Variants in LYPLAL1 observed in about 807,000 individuals in gnomAD.
LYPLAL1 encodes the protein lysophospholipase-like protein 1.
LYPLAL1 carries 23 observed loss-of-function variants against 19.7 expected under a neutral mutation model. The observed-to-expected ratio is 1.17, with a 90% confidence interval of 0.84 to 1.65. The LOEUF is 1.65. LYPLAL1 is among the 40% of genes most tolerant of loss of function. LYPLAL1 has a pLI of 0.00. For synonymous variants in LYPLAL1, 119 were observed against 96.3 expected, an observed-to-expected ratio of 1.24 and a Z score of -1.38; for missense variants, 355 against 279.4, an observed-to-expected ratio of 1.27 and a Z score of -1.93.
chr1:219,399,281 A>C, the LYPLAL1 span, among the ~76,000 whole-genome samples: 1 of 152,194 alleles, frequency 6.6e-6, no homozygotes, highest in African/African-American at 2.4e-5. Flanking sequence ...TACTACAGAC[A>C]GGGGTGGTGA....
chr1:219,387,259 A>C, the LYPLAL1 span, among the ~76,000 whole-genome samples: 1 of 152,202 alleles, frequency 6.6e-6, no homozygotes, highest in African/African-American at 2.4e-5. Context: ...ATTGCATTTT[A>C]AAGCTATAAG....
chr1:219,227,599 A>G, the LYPLAL1 span, among the ~76,000 whole-genome samples: 1 of 152,176 alleles, frequency 6.6e-6, no homozygotes, highest in African/African-American at 2.4e-5. Context: ...TTGCTGTACA[A>G]CATGACTTTG....
the LYPLAL1 span, among the ~76,000 whole-genome samples, chr1:219,264,653 G>A: frequency 2.0e-4 from 31 of 152,224 alleles, no homozygotes; most frequent in Middle Eastern, 3.4e-3. Context: ...GGACTAACCC[G>A]GGCTTTTAGA....
the LYPLAL1 span, among the ~76,000 whole-genome samples, chr1:219,294,012 G>A: frequency 6.6e-6 from 1 of 152,176 alleles, no homozygotes. Context: ...CCAAATTGCA[G>A]ATTATCTCCA....
At chr1:219,289,066 A>G in the LYPLAL1 span, among the ~76,000 whole-genome samples, 1 of 132,756 alleles carries the variant, frequency 7.5e-6, no homozygotes, top group African/African-American at 2.7e-5. Flanking sequence ...GGCACAAGTT[A>G]CCTCTTGTTT....
At chr1:219,301,182 T>C in the LYPLAL1 span, among the ~76,000 whole-genome samples, 1 of 137,560 alleles carries the variant, frequency 7.3e-6, no homozygotes, top group Admixed American at 7.5e-5. Context: ...TGAATTACAT[T>C]ACATAAATCT....
chr1:219,381,145 A>G, the LYPLAL1 span, among the ~76,000 whole-genome samples: 1 of 152,142 alleles, frequency 6.6e-6, no homozygotes, highest in East Asian at 1.9e-4. Context: ...TAAATGAATC[A>G]TGGGGTGGGT....
At chr1:219,220,963 G>A in the LYPLAL1 span, among the ~76,000 whole-genome samples, 20 of 152,254 alleles carry the variant, frequency 1.3e-4, no homozygotes, top group African/African-American at 4.1e-4. Context: ...CCTAGGAGAC[G>A]TCACAGGGCA....
chr1:219,252,874 G>A, the LYPLAL1 span, among the ~76,000 whole-genome samples: 1 of 152,020 alleles, frequency 6.6e-6, no homozygotes, highest in Non-Finnish European at 1.5e-5. Context: ...GCTCATCTTT[G>A]TACATCTGGT....
At chr1:219,200,024 A>G (rs562206307) in intron 3 of LYPLAL1, 1 of 232,242 alleles carries the variant, frequency 4.3e-6, no homozygotes, top group Non-Finnish European at 9.1e-6. Flanking sequence ...CAGTGAGCCC[A>G]TTATCCCCAC....
the LYPLAL1 span, among the ~76,000 whole-genome samples, chr1:219,438,502 A>G: frequency 6.6e-6 from 1 of 152,248 alleles, no homozygotes; most frequent in African/African-American, 2.4e-5. Context: ...AACAAGAAGG[A>G]CTAAGAGAAG....
chr1:219,313,301 T>C, the LYPLAL1 span, among the ~76,000 whole-genome samples: 2 of 152,212 alleles, frequency 1.3e-5, no homozygotes, highest in East Asian at 1.9e-4. Context: ...TAGGATTATA[T>C]TGGGTTTGTC....
intron 3 of LYPLAL1, among the ~76,000 whole-genome samples, chr1:219,203,863 G>A (rs1169762739): frequency 6.6e-6 from 1 of 152,148 alleles, no homozygotes; most frequent in African/African-American, 2.4e-5. Flanking sequence ...GAATGATGAA[G>A]TGCTAAACTG....
At chr1:219,411,488 T>G in the LYPLAL1 span, among the ~76,000 whole-genome samples, 3 of 152,084 alleles carry the variant, frequency 2.0e-5, no homozygotes, top group African/African-American at 4.8e-5. Flanking sequence ...GCTCAGGGAT[T>G]GTAAACGCAC....
At chr1:219,342,999 C>T in the LYPLAL1 span, among the ~76,000 whole-genome samples, 8 of 152,058 alleles carry the variant, frequency 5.3e-5, no homozygotes, top group African/African-American at 1.4e-4. Flanking sequence ...GGGAGGAGCA[C>T]GGATGTGATA....
the LYPLAL1 span, among the ~76,000 whole-genome samples, chr1:219,283,124 C>T: frequency 3.3e-5 from 5 of 152,150 alleles, no homozygotes; most frequent in African/African-American, 9.6e-5. Context: ...AGTGATTTCT[C>T]CAGGGCCACA....
At chr1:219,309,574 G>T in the LYPLAL1 span, among the ~76,000 whole-genome samples, 1 of 152,092 alleles carries the variant, frequency 6.6e-6, no homozygotes, top group Non-Finnish European at 1.5e-5. Flanking sequence ...CATGGAGGAG[G>T]TGTCCCCCAT....
the LYPLAL1 span, among the ~76,000 whole-genome samples, chr1:219,416,423 T>G: frequency 6.6e-6 from 1 of 152,066 alleles, no homozygotes; most frequent in Admixed American, 6.6e-5. Flanking sequence ...CCCAGGAGAG[T>G]TCTTGGCTTT....
chr1:219,333,616 T>A, the LYPLAL1 span, among the ~76,000 whole-genome samples: 1 of 152,182 alleles, frequency 6.6e-6, no homozygotes, highest in African/African-American at 2.4e-5. Flanking sequence ...AAAGAGATAA[T>A]TGAAGTTCTT....
Sources: gnomAD v4.1 joint callset for allele counts (sites outside exome capture counted in the v4.1 genomes callset) on GRCh38, gnomAD v4.1.1 for gene constraint, MANE v1.5 for transcripts, NCBI Gene and HGNC (gene_info 2026-07-23, HGNC 2026-07-21) for gene names.